NCKAP5: variants seen among roughly 807,000 people sequenced by gnomAD.
NCKAP5 encodes the protein NCK associated protein 5.
A neutral mutation model predicts 167.0 loss-of-function variants in NCKAP5; 92 were observed. That is an observed-to-expected ratio of 0.55 (90% CI 0.47 to 0.66). NCKAP5 has a LOEUF of 0.66. NCKAP5 is among the 30% of genes least tolerant of loss of function. The pLI is 0.00. For missense variants in NCKAP5, 2,378 were observed against 2,315.0 expected (o/e 1.03, Z -0.56); for synonymous variants, 891 against 877.4 (o/e 1.02, Z -0.27).
At chr2:132,897,033 G>T (rs902942495) in intron 8 of NCKAP5, among the ~76,000 whole-genome samples, 1 of 152,300 alleles carries the variant, frequency 6.6e-6, no homozygotes, top group Admixed American at 6.5e-5. Context: ...AATTTATATA[G>T]TAATTATCCA....
intron 7 of NCKAP5, among the ~76,000 whole-genome samples, chr2:132,974,396 C>A (rs1018613585): frequency 2.6e-5 from 4 of 152,070 alleles, no homozygotes; most frequent in Non-Finnish European, 5.9e-5. Flanking sequence ...TAATAAATAA[C>A]GATTCATATT....
intron 11 of NCKAP5, among the ~76,000 whole-genome samples, chr2:132,822,820 G>T (rs1190479910): frequency 6.6e-6 from 1 of 152,042 alleles, no homozygotes; most frequent in Admixed American, 6.6e-5. Flanking sequence ...ATGGGAAATG[G>T]ATACAAAATT....
At chr2:132,918,256 G>A (rs1419007609) in intron 8 of NCKAP5, among the ~76,000 whole-genome samples, 1 of 152,128 alleles carries the variant, frequency 6.6e-6, no homozygotes, top group Non-Finnish European at 1.5e-5. Context: ...CAGCCACAAG[G>A]AAAGGCTGGT....
chr2:133,278,373 C>T (rs2089814191), intron 4 of NCKAP5, among the ~76,000 whole-genome samples: 1 of 152,134 alleles, frequency 6.6e-6, no homozygotes, highest in East Asian at 1.9e-4. Context: ...AGGCTGCCTA[C>T]ATTCCTTGGT....
the NCKAP5 span, among the ~76,000 whole-genome samples, chr2:133,638,015 C>G: frequency 6.6e-6 from 1 of 152,024 alleles, no homozygotes; most frequent in Admixed American, 6.5e-5. Context: ...ATGATACCTG[C>G]AAAGAAATTA....
intron 8 of NCKAP5, among the ~76,000 whole-genome samples, chr2:132,897,482 C>T (rs893961147): frequency 4.6e-5 from 7 of 152,272 alleles, no homozygotes; most frequent in South Asian, 2.1e-4. Flanking sequence ...TATATACATA[C>T]GAATCAGAGT....
At chr2:132,966,595 C>T (rs1204997646) in intron 7 of NCKAP5, among the ~76,000 whole-genome samples, 1 of 152,170 alleles carries the variant, frequency 6.6e-6, no homozygotes, top group Non-Finnish European at 1.5e-5. Flanking sequence ...AGGGGACATA[C>T]AGAGTTAGGT....
chr2:133,205,548 G>A (rs2085910275), intron 5 of NCKAP5, among the ~76,000 whole-genome samples: 2 of 152,258 alleles, frequency 1.3e-5, no homozygotes, highest in South Asian at 4.1e-4. Context: ...TTCAAGTGTA[G>A]TGGGACACCA....
At chr2:133,206,306 T>C (rs374840200) in intron 5 of NCKAP5, among the ~76,000 whole-genome samples, 20 of 152,294 alleles carry the variant, frequency 1.3e-4, no homozygotes, top group African/African-American at 4.8e-4. Context: ...TGAACAGAGG[T>C]ACCAGCTGGA....
intron 8 of NCKAP5, among the ~76,000 whole-genome samples, chr2:132,908,191 A>T (rs1288513758): frequency 2.0e-5 from 3 of 149,194 alleles, no homozygotes; most frequent in Non-Finnish European, 4.5e-5. Flanking sequence ...TACACAAAAC[A>T]TTTTTTTTTT....
chr2:132,965,431 T>A (rs1005062604), intron 7 of NCKAP5, among the ~76,000 whole-genome samples: 4 of 152,212 alleles, frequency 2.6e-5, no homozygotes, highest in Non-Finnish European at 5.9e-5. Flanking sequence ...CCTTTACTTC[T>A]CTTTTGTGGT....
At chr2:132,866,449 T>C (rs1690361204) in intron 10 of NCKAP5, among the ~76,000 whole-genome samples, 1 of 152,200 alleles carries the variant, frequency 6.6e-6, no homozygotes, top group Admixed American at 6.5e-5. Flanking sequence ...TTTTGTATTG[T>C]TGTTCTAAAG....
intron 6 of NCKAP5, among the ~76,000 whole-genome samples, chr2:133,120,834 C>T (rs2082226755): frequency 6.6e-6 from 1 of 152,162 alleles, no homozygotes; most frequent in African/African-American, 2.4e-5. Flanking sequence ...CCCTTGGAAG[C>T]AAATTTCTGT....
intron 4 of NCKAP5, among the ~76,000 whole-genome samples, chr2:133,246,243 A>G (rs1365346610): frequency 6.7e-6 from 1 of 149,646 alleles, no homozygotes; most frequent in African/African-American, 2.5e-5. Flanking sequence ...CTGAAAACCA[A>G]ACTGTATTCT....
chr2:133,199,978 T>C (rs1319491828), intron 5 of NCKAP5, among the ~76,000 whole-genome samples: 1 of 150,936 alleles, frequency 6.6e-6, no homozygotes, highest in Non-Finnish European at 1.5e-5. Context: ...ATTTCATTCA[T>C]ATGAAACCGA....
intron 3 of NCKAP5, among the ~76,000 whole-genome samples, chr2:133,443,962 A>G (rs1251743550): frequency 1.3e-5 from 2 of 152,206 alleles, no homozygotes; most frequent in African/African-American, 4.8e-5. Flanking sequence ...AAACAGTGTT[A>G]ATCAATGTAT....
chr2:132,915,217 T>C (rs956725847), intron 8 of NCKAP5, among the ~76,000 whole-genome samples: 1 of 151,926 alleles, frequency 6.6e-6, no homozygotes, highest in African/African-American at 2.4e-5. Context: ...GTTTATATCA[T>C]GGGGAAGGAA....
Position 133,199,831 on chromosome 2 carries a change from G to A in NCKAP5, c.207+13885C>T, listed in dbSNP as rs571630275. Among the ~76,000 whole-genome samples, 9 of 152,002 alleles carry A rather than the reference G, an allele frequency of 5.9e-5. No individual in the cohort carries two copies. The East Asian group carries it at 1.7e-3, about 29-fold the overall frequency. On this transcript the variant is annotated intron_variant, in intron 5 of 19. Coordinates refer to ENST00000409261, the MANE Select transcript of NCKAP5 (RefSeq NM_207363.3). ...AAACCACCCAAATGTATAAATGTGT[G>A]TATATTTATACAATGAACTACTAAT...
chr2:133,115,266 A>T (rs964921843), intron 6 of NCKAP5, among the ~76,000 whole-genome samples: 1 of 152,136 alleles, frequency 6.6e-6, no homozygotes, highest in South Asian at 2.1e-4. Context: ...TTCAAATTGG[A>T]TCCTGGACAT....
Sources: gnomAD v4.1 joint callset for allele counts (sites outside exome capture counted in the v4.1 genomes callset) on GRCh38, gnomAD v4.1.1 for gene constraint, MANE v1.5 for transcripts, NCBI Gene and HGNC (gene_info 2026-07-23, HGNC 2026-07-21) for gene names.